The following DNAH12 variants were observed in gnomAD, a reference collection of about 807,000 sequenced individuals.
DNAH12 encodes dynein axonemal heavy chain 12.
A neutral mutation model predicts 371.5 loss-of-function variants in DNAH12; 285 were observed. The observed-to-expected ratio is 0.77, with a 90% CI of 0.70 to 0.85. The LOEUF (loss-of-function observed/expected upper bound fraction) is 0.85, where lower values mean the gene tolerates loss of function less well. Ranked by LOEUF, DNAH12 falls within the 40% of genes least tolerant of loss-of-function variation. The probability of loss-of-function intolerance (pLI) is 0.00; values close to 1 mark genes in which losing one functional copy is unlikely to be tolerated. For synonymous variants in DNAH12, 1,200 were observed against 1,213.0 expected (o/e 0.99, Z 0.22); for missense variants, 3,611 against 3,689.4 (o/e 0.98, Z 0.55).
rs1553680975 is a variant in DNAH12 at position 57,405,787 on chromosome 3, G to A, written c.6442C>T (p.Arg2148Ter). Residue 2148 changes from arginine to a stop codon, truncating the protein, a stop_gained, in exon 41 of 74, where the codon CGA becomes TGA. Coordinates refer to ENST00000495027, the MANE Select transcript of DNAH12 (RefSeq NM_001366028.2). LOFTEE classifies it high-confidence loss of function. ...MIRLFVHEVL[R>*]VFYDRLINDD... is the part of the protein sequence containing the mutation. ...TTAATGAGGCGATCATAAAACACTCGGAGAACCTCATGCACAAACAGACGG... is the reference window on the plus strand; with the variant it reads ...TTAATGAGGCGATCATAAAACACTCAGAGAACCTCATGCACAAACAGACGG... The A allele has an allele frequency of 8.4e-6, 13 of 1,551,568 alleles. No individual in the cohort carries two copies. Among genetic ancestry groups the A allele is most frequent in the Admixed American group, 2.0e-5 (1 of 50,974 alleles).
At chr3:57,462,218 C>T (rs1198525658) in intron 18 of DNAH12, among the ~76,000 whole-genome samples, 1 of 149,518 alleles carries the variant, frequency 6.7e-6, no homozygotes, top group Non-Finnish European at 1.5e-5. Flanking sequence ...CAAGTAAGTA[C>T]ACACTTTGGG....
intron 67 of DNAH12, 74 bp from the exon 68 acceptor site, chr3:57,309,928 CAAAATATGCTACTTT>C (rs1468610976): frequency 1.7e-5 from 22 of 1,289,604 alleles, no homozygotes; most frequent in Non-Finnish European, 2.2e-5. Flanking sequence ...TACGCTACTC[CAAAATATGCTACTTT>C]GGCATAGGGG....
At chr3:57,402,324 C>A in intron 43 of DNAH12, 1 of 1,138,550 alleles carries the variant, frequency 8.8e-7, no homozygotes, top group Non-Finnish European at 1.2e-6. Context: ...TTTTTTTCCA[C>A]TTTGTATCAT....
chr3:57,491,720 G>A (rs1387867167), intron 11 of DNAH12, among the ~76,000 whole-genome samples: 1 of 152,020 alleles, frequency 6.6e-6, no homozygotes, highest in African/African-American at 2.4e-5. Context: ...AGGATTGCTT[G>A]AAGCCAGGAG....
intron 9 of DNAH12, among the ~76,000 whole-genome samples, chr3:57,502,724 A>G (rs2067598444): frequency 1.3e-5 from 2 of 151,946 alleles, no homozygotes; most frequent in African/African-American, 4.8e-5. Flanking sequence ...TAATTTTTGT[A>G]TTTTTAGAGA....
upstream of DNAH12, among the ~76,000 whole-genome samples, chr3:57,546,132 G>C (rs1225359698): frequency 6.6e-6 from 1 of 152,076 alleles, no homozygotes; most frequent in Non-Finnish European, 1.5e-5. Context: ...ATTAGTACCA[G>C]GCCAAGCCCC....
intron 65 of DNAH12, among the ~76,000 whole-genome samples, chr3:57,316,073 A>G (rs1356847042): frequency 6.6e-6 from 1 of 152,036 alleles, no homozygotes; most frequent in African/African-American, 2.4e-5. Flanking sequence ...TAAAAACTAG[A>G]TATTCTTTAA....
At position 57,363,723 on chromosome 3, in the gene DNAH12, C is replaced by T. The variant is rs1244640425; in HGVS notation, c.9231G>A (p.Leu3077=). 7 of 152,014 alleles carry T rather than the reference C, an allele frequency of 4.6e-5. No individual in the cohort carries two copies. Among genetic ancestry groups the T allele is most frequent in the Non-Finnish European group, 1.0e-4 (7 of 67,962 alleles). 9.4% of individuals were successfully genotyped at this position (152,014 alleles called of 1,614,324 possible). A position where few individuals can be genotyped will look rare whatever the true frequency, so the allele number is the denominator to read the frequency against. Residue 3077 remains leucine (L), a synonymous_variant, in exon 58 of 74, where the codon CTG becomes CTA. Coordinates refer to ENST00000495027, the MANE Select transcript of DNAH12 (RefSeq NM_001366028.2). ...CTAAAATTTTTTTCTCTATGTCTTT[C>T]AGCTGTTTCTTGTTAGCTGCAGACT... ...ILQSAANKKQ[L]KDIEKKILET...
At chr3:57,489,770 A>G in intron 11 of DNAH12, 83 bp from the exon 12 acceptor site, 1 of 1,266,400 alleles carries the variant, frequency 7.9e-7, no homozygotes, top group Non-Finnish European at 1.1e-6. Context: ...TGAAAGTCCT[A>G]ATTATATAAA....
chr3:57,453,113 A>T, intron 24 of DNAH12, 98 bp from the exon 25 acceptor site: 1 of 1,462,544 alleles, frequency 6.8e-7, no homozygotes, highest in Non-Finnish European at 9.1e-7. Flanking sequence ...ACTAAAAATA[A>T]TTCATGTTTG....
rs187772437 is a variant in DNAH12, at chr3:57,407,036, C to T, written c.6277-1084G>A. Among the ~76,000 whole-genome samples, 29 of 152,034 alleles carry T rather than the reference C, an allele frequency of 1.9e-4. No homozygotes were observed. In the East Asian group the frequency reaches 3.7e-3, roughly 19 times the overall value. ...GCCTCAGCCTCCCGAGTAGCTGGGA[C>T]TACAGGTGCACACCACCACGCCCAG... On this transcript the variant is annotated intron_variant, in intron 40 of 73. Coordinates refer to ENST00000495027, the MANE Select transcript of DNAH12 (RefSeq NM_001366028.2).
intron 60 of DNAH12, among the ~76,000 whole-genome samples, chr3:57,340,480 T>C (rs185214757): frequency 7.2e-5 from 11 of 152,222 alleles, no homozygotes; most frequent in Admixed American, 6.5e-4. Context: ...TTACAGTTGA[T>C]ACTGTGGAAA....
chr3:57,362,840 T>C (rs944720669), intron 58 of DNAH12, among the ~76,000 whole-genome samples: 24 of 152,206 alleles, frequency 1.6e-4, no homozygotes, highest in Non-Finnish European at 3.4e-4. Flanking sequence ...CTGAGGGAAG[T>C]TTCCTTTGCT....
chr3:57,304,539 T>C (rs2061429882), intron 69 of DNAH12, among the ~76,000 whole-genome samples: 1 of 152,126 alleles, frequency 6.6e-6, no homozygotes, highest in Admixed American at 6.5e-5. Context: ...CCTTTTCTGG[T>C]AGAGACAAAG....
At chr3:57,470,015 A>C (rs888460820) in intron 16 of DNAH12, among the ~76,000 whole-genome samples, 1 of 152,208 alleles carries the variant, frequency 6.6e-6, no homozygotes, top group African/African-American at 2.4e-5. Flanking sequence ...AATAAAAATA[A>C]AATGCAATTT....
At position 57,342,683 on chromosome 3, in the gene DNAH12, G is replaced by C. The variant is rs376742231; in HGVS notation, c.9675-7743C>G. Reference sequence around the variant, plus strand: ...AAAAAAAAAAAAAAAGGAAAGAAAAGAAAATATTTGTAAACTATTCATCCA... The same window carrying C: ...AAAAAAAAAAAAAAAGGAAAGAAAACAAAATATTTGTAAACTATTCATCCA... On this transcript the variant is annotated intron_variant, in intron 60 of 73. Coordinates refer to ENST00000495027, the MANE Select transcript of DNAH12 (RefSeq NM_001366028.2). Among the ~76,000 whole-genome samples, 122 of 117,824 alleles carry C rather than the reference G, an allele frequency of 1.0e-3. 1 individual carries two copies. The highest frequency in any genetic ancestry group is 3.6e-3 in the African/African-American group (117 of 32,552). The allele number at this position is 117,824 out of a possible 152,430, so 77.3% of individuals were successfully genotyped here.
At chr3:57,448,000 G>A (rs367864787) in intron 25 of DNAH12, among the ~76,000 whole-genome samples, 21 of 152,266 alleles carry the variant, frequency 1.4e-4, no homozygotes, top group Admixed American at 7.8e-4. Flanking sequence ...TATAATGGAT[G>A]CCATATTGTT....
chr3:57,411,294 G>C (rs1389532696), intron 39 of DNAH12, among the ~76,000 whole-genome samples: 2 of 152,002 alleles, frequency 1.3e-5, no homozygotes, highest in East Asian at 3.9e-4. Flanking sequence ...TTGGGAGGCC[G>C]AGGAAGGTGG....
chr3:57,427,170 G>GTGTGTGTGTGTGTA (rs1559646583), intron 34 of DNAH12, among the ~76,000 whole-genome samples: 18 of 151,698 alleles, frequency 1.2e-4, no homozygotes, highest in African/African-American at 4.1e-4. Flanking sequence ...GTGTGTGTGT[G>GTGTGTGTGTGTGTA]TGTAGGAGAT....
Sources: allele counts gnomAD v4.1 joint callset (sites outside exome capture counted in the v4.1 genomes callset), GRCh38; gene constraint gnomAD v4.1.1; transcripts MANE v1.5; gene names NCBI Gene and HGNC (gene_info 2026-07-23, HGNC 2026-07-21).